Variants in STOX1 observed in about 807,000 individuals in gnomAD.
STOX1 encodes the protein storkhead-box protein 1.
In STOX1, 57 loss-of-function variants were observed where a neutral mutation model predicts 74.8. The observed-to-expected ratio is 0.76, with a 90% CI of 0.62 to 0.95. The LOEUF is 0.95. Among genes scored for constraint, STOX1 ranks in the 40% least tolerant of loss-of-function variants. The probability of loss-of-function intolerance (pLI) is 0.00; values close to 1 mark genes in which losing one functional copy is unlikely to be tolerated. For synonymous variants in STOX1, 375 were observed against 401.3 expected (o/e 0.93, Z 0.78); for missense variants, 1,010 against 1,117.0 (o/e 0.90, Z 1.37).
chr10:68,855,238 A>G (rs1840092250), intron 1 of STOX1, among the ~76,000 whole-genome samples: 2 of 148,720 alleles, frequency 1.3e-5, no homozygotes, highest in South Asian at 4.5e-4. Flanking sequence ...CTCCTGCCTC[A>G]GCCTCCCGAG....
chr10:68,886,509 A>C lies in STOX1; in HGVS notation c.2713A>C (p.Asn905His), dbSNP rs137955418. 1,078 of 1,614,084 alleles carry C rather than the reference A, an allele frequency of 6.7e-4. 9 individuals are homozygous for C. In the African/African-American group the frequency reaches 0.013, roughly 19 times the overall value. Residue 905 changes from asparagine to histidine, a missense_variant, in exon 3 of 4, where the codon AAC becomes CAC. Physicochemically the swap from Asn to His is moderately conservative, Grantham distance 68. Transcript: ENST00000298596. The stretch of plus-strand genomic sequence containing the variant: ...TTTCCCACAAAAGTTCCAACTTTTC[A>C]ACACTTCACATATGCCAGTGTTGGC... The part of the protein sequence containing the change: ...KHFPQKFQLF[N>H]TSHMPVLAQD...
At chr10:68,843,457 C>T (rs570792758) in intron 1 of STOX1, among the ~76,000 whole-genome samples, 7 of 152,132 alleles carry the variant, frequency 4.6e-5, no homozygotes, top group Non-Finnish European at 1.0e-4. Flanking sequence ...ATGATTGTAC[C>T]ACTTTGCAAT....
chr10:68,888,476 G>T (rs1211519938), intron 3 of STOX1, among the ~76,000 whole-genome samples: 1 of 152,002 alleles, frequency 6.6e-6, no homozygotes, highest in East Asian at 1.9e-4. Flanking sequence ...CAAATGTATA[G>T]ATCTATAGAT....
At position 68,852,248 on chromosome 10, in the gene STOX1, G is replaced by GATT. The variant is rs200461358; in HGVS notation, c.310+24315_310+24316insATT. The stretch of plus-strand genomic sequence containing the variant: ...TATGAGTTTAAGTTTTTCTCTTACT[G>GATT]CTTTTTTTTTTTTTTTTTTTTGAGA... On this transcript the variant is annotated intron_variant, in intron 1 of 3. Transcript: ENST00000298596. Among the ~76,000 whole-genome samples the GATT allele has an allele frequency of 1.5e-3, 204 of 132,228 alleles. 19 individuals carry two copies. The highest frequency in any genetic ancestry group is 6.4e-3 in the East Asian group (28 of 4,362). The allele number at this position is 132,228 out of a possible 152,430, so 86.7% of individuals were successfully genotyped here.
intron 1 of STOX1, among the ~76,000 whole-genome samples, chr10:68,853,938 G>C (rs562938141): frequency 6.6e-6 from 1 of 151,674 alleles, no homozygotes; most frequent in East Asian, 1.9e-4. Context: ...GCCTGTCTTG[G>C]CCTCCCAAAG....
intron 1 of STOX1, among the ~76,000 whole-genome samples, chr10:68,865,657 AAAAC>A (rs1432646699): frequency 3.9e-5 from 6 of 152,198 alleles, no homozygotes; most frequent in African/African-American, 7.2e-5. Flanking sequence ...TCGAAACAAA[AAAAC>A]AAACAAAAGG....
chr10:68,874,582 T>TC (rs1262290434), intron 1 of STOX1, among the ~76,000 whole-genome samples: 1 of 84,078 alleles, frequency 1.2e-5, no homozygotes, highest in African/African-American at 5.8e-5. Context: ...AACCCTTGCT[T>TC]CCCGGGAGGC....
chr10:68,852,275 G>A (rs1394231004), intron 1 of STOX1, among the ~76,000 whole-genome samples: 6 of 92,268 alleles, frequency 6.5e-5, no homozygotes, highest in Non-Finnish European at 1.2e-4. Flanking sequence ...TTTTTGAGAC[G>A]GAGTCTCGCT....
chr10:68,872,751 T>C (rs1840566522), intron 1 of STOX1, among the ~76,000 whole-genome samples: 1 of 152,202 alleles, frequency 6.6e-6, no homozygotes, highest in Non-Finnish European at 1.5e-5. Context: ...AAAGAAAATC[T>C]TTCCTCTGTC....
intron 1 of STOX1, among the ~76,000 whole-genome samples, chr10:68,861,934 A>G (rs1214109880): frequency 6.6e-6 from 1 of 152,092 alleles, no homozygotes; most frequent in African/African-American, 2.4e-5. Flanking sequence ...GAGTGATACA[A>G]AAGTCAGAAG....
At chr10:68,883,758 CTT>C (rs71028801) in intron 2 of STOX1, among the ~76,000 whole-genome samples, 1,970 of 85,490 alleles carry the variant, frequency 0.023, 25 homozygotes, top group African/African-American at 0.084. Flanking sequence ...GCTTCTTTGG[CTT>C]TTTTTTTTTT....
chr10:68,878,628 A>G (rs1840737229), intron 1 of STOX1, among the ~76,000 whole-genome samples: 1 of 152,232 alleles, frequency 6.6e-6, no homozygotes, highest in Non-Finnish European at 1.5e-5. Flanking sequence ...AGAGAAGCTT[A>G]AGCAAACAAG....
At chr10:68,837,815 CT>C (rs1176989395) in intron 1 of STOX1, among the ~76,000 whole-genome samples, 1 of 152,204 alleles carries the variant, frequency 6.6e-6, no homozygotes, top group Non-Finnish European at 1.5e-5. Flanking sequence ...GGTATTCTGC[CT>C]GCCCTTTTTA....
intron 1 of STOX1, among the ~76,000 whole-genome samples, chr10:68,878,422 T>C (rs1840732903): frequency 6.6e-6 from 1 of 152,136 alleles, no homozygotes; most frequent in Non-Finnish European, 1.5e-5. Flanking sequence ...CTTGGACAGA[T>C]TTTCAGGACA....
chr10:68,828,306 C>T lies in STOX1; in HGVS notation c.310+373C>T. The T allele has an allele frequency of 5.1e-6, 6 of 1,170,006 alleles. No homozygotes were observed. In the Admixed American group the frequency reaches 2.3e-4, roughly 45 times the overall value. 72.5% of individuals were successfully genotyped at this position (1,170,006 alleles called of 1,614,324 possible). ...ACCCGGAGGGGAGGGGCGTCCCGCGCCAGCTGTGAGCGCGGAGCTCCGCGC... is the reference window on the plus strand; with the variant it reads ...ACCCGGAGGGGAGGGGCGTCCCGCGTCAGCTGTGAGCGCGGAGCTCCGCGC... On this transcript the variant is annotated intron_variant, in intron 1 of 3. Coordinates refer to ENST00000298596, the MANE Select transcript of STOX1 (RefSeq NM_152709.5).
In STOX1 at chr10:68,884,855, C is replaced by A; in HGVS notation, c.1059C>A (p.Ile353=). The change falls in exon 3 of 4, where the codon ATC becomes ATA. Residue 353 remains isoleucine, a synonymous_variant. Coordinates refer to ENST00000298596, the MANE Select transcript of STOX1 (RefSeq NM_152709.5). ...PVRDEDDLDN[I]PRDVEHEIIK... ...GAGATGAAGATGACTTGGACAATAT[C>A]CCTCGAGATGTTGAACATGAGATAA... 1 of 1,614,020 alleles carries A rather than the reference C, an allele frequency of 6.2e-7. No homozygotes were observed. Among genetic ancestry groups the A allele is most frequent in the Non-Finnish European group, 8.5e-7 (1 of 1,179,966 alleles).
chr10:68,868,075 G>A (rs2047440), intron 1 of STOX1, among the ~76,000 whole-genome samples: 13,954 of 152,250 alleles, frequency 0.092, 820 homozygotes, highest in Admixed American at 0.15. Context: ...TCCAACCGTC[G>A]CTCTGGCGAC....
At chr10:68,857,650 C>T (rs1473210666) in intron 1 of STOX1, among the ~76,000 whole-genome samples, 1 of 152,130 alleles carries the variant, frequency 6.6e-6, no homozygotes, top group African/African-American at 2.4e-5. Flanking sequence ...TTCTGTTTCT[C>T]TTGCTACTGA....
intron 1 of STOX1, among the ~76,000 whole-genome samples, chr10:68,881,256 A>C (rs935673788): frequency 6.6e-6 from 1 of 152,206 alleles, no homozygotes; most frequent in African/African-American, 2.4e-5. Context: ...GAAAGACAAT[A>C]TAGTCTAGCT....
Sources: allele counts gnomAD v4.1 joint callset (sites outside exome capture counted in the v4.1 genomes callset), GRCh38; gene constraint gnomAD v4.1.1; transcripts MANE v1.5; gene names NCBI Gene and HGNC (gene_info 2026-07-23, HGNC 2026-07-21).